The following PANK4 variants were observed in gnomAD, a reference collection of about 807,000 sequenced individuals.
The protein encoded by PANK4 is pantothenate kinase 4 (inactive).
A neutral mutation model predicts 87.9 loss-of-function variants in PANK4; 40 were observed. The ratio of observed to expected loss-of-function variants is 0.46; its 90% CI spans 0.35 to 0.59. The LOEUF (loss-of-function observed/expected upper bound fraction) is 0.59, where lower values mean the gene tolerates loss of function less well. PANK4 is among the 20% of genes least tolerant of loss of function. The probability of loss-of-function intolerance (pLI) is 0.00; values close to 1 mark genes in which losing one functional copy is unlikely to be tolerated. For missense variants in PANK4, 926 were observed against 1,072.3 expected (o/e 0.86, Z 1.90); for synonymous variants, 524 against 467.4 (o/e 1.12, Z -1.56).
At position 2,517,764 on chromosome 1, in the gene PANK4, T is replaced by C. The variant is rs113915723; in HGVS notation, c.1218+400A>G. The stretch of plus-strand genomic sequence containing the variant: ...GACCATCAGCCACAGTGCGCGGCAG[T>C]GTGCGGCAGAGCGCGCAGTCCTAGG... On this transcript the variant is annotated intron_variant, in intron 9 of 18. Transcript: ENST00000378466. Among the ~76,000 whole-genome samples the C allele has an allele frequency of 7.0e-3, 1,063 of 152,344 alleles. 14 individuals are homozygous for C. The highest frequency in any genetic ancestry group is 0.024 in the African/African-American group (1,008 of 41,584).
chr1:2,515,161 G>A lies in PANK4; in HGVS notation c.1374+401C>T, dbSNP rs2477714. 5.1e-3 allele frequency: 1,976 copies of A among 386,464 alleles called. 31 individuals are homozygous for A. Among genetic ancestry groups the A allele is most frequent in the African/African-American group, 0.032 (1,560 of 48,240 alleles). The allele number at this position is 386,464 out of a possible 1,614,324, so 23.9% of individuals were successfully genotyped here. A position where few individuals can be genotyped will look rare whatever the true frequency, so the allele number is the denominator to read the frequency against. On this transcript the variant is annotated intron_variant, in intron 10 of 18. Transcript: ENST00000378466. The surrounding 1 kb of genome is among the most constrained non-coding windows in gnomAD (Gnocchi z 5.0). ...CAGCCTTGGAGAAGGTGGGACGCAG[G>A]AGTCCCAAGGTGGCCTCGCCGGGAG...
chr1:2,511,556 T>C, intron 14 of PANK4, 72 bp downstream of exon 14: 1 of 1,178,584 alleles, frequency 8.5e-7, no homozygotes, highest in Non-Finnish European at 1.3e-6. Context: ...GCAACTGCAT[T>C]CGCTGTTGCA....
chr1:2,518,594 C>A lies in PANK4; in HGVS notation c.1039G>T (p.Glu347Ter). 6.4e-7 allele frequency: 1 copy of A among 1,565,888 alleles called. No homozygotes were observed. Among genetic ancestry groups the A allele is most frequent in the South Asian group, 1.2e-5 (1 of 85,434 alleles). The change falls in exon 8 of 19, where the codon GAA becomes TAA. Residue 347 changes from glutamate to a stop codon, truncating the protein, a stop_gained. Transcript: ENST00000378466. LOFTEE classifies it high-confidence loss of function. ...TYSINFFSKGEVQALFLRHEG... is the reference protein window; with the variant it reads ...TYSINFFSKG ...TGCCTCAGAAACAGCGCCTGCACTT[C>A]CCCCTGCCGTGGCCAAAGCACACGT... is the stretch of plus-strand genomic sequence containing the variant.
At position 2,520,399 on chromosome 1, in the gene PANK4, T is replaced by A; in HGVS notation, c.622A>T (p.Arg208Trp). 1 of 1,612,812 alleles carries A rather than the reference T, an allele frequency of 6.2e-7. No homozygotes were observed. ...GAGCTGCCGCCGACCCACTCGAACC[T>A]GTCCTCCGTCTCCACCTGCAACAGA... ...VSIVKVETED[R>W]FEWVGGSSIG... Residue 208 changes from arginine (R) to tryptophan (W), a missense_variant, in exon 5 of 19, where the codon AGG becomes TGG. By Grantham distance (101) the Arg-to-Trp change is moderately radical. Transcript: ENST00000378466. This position sits in a 1 kb window ranked among gnomAD's most constrained non-coding sequence, Gnocchi z 6.2.
intron 10 of PANK4, among the ~76,000 whole-genome samples, chr1:2,514,823 T>G (rs1465172457): frequency 1.3e-5 from 2 of 151,942 alleles, no homozygotes; most frequent in African/African-American, 4.8e-5. Flanking sequence ...CATTCGCCCC[T>G]CCCAGTTGCC....
At position 2,515,658 on chromosome 1, in the gene PANK4, C is replaced by T. The variant is rs1643757376; in HGVS notation, c.1278G>A (p.Leu426=). 6.2e-7 allele frequency: 1 copy of T among 1,613,198 alleles called. No homozygotes were observed. Among genetic ancestry groups the T allele is most frequent in the Non-Finnish European group, 8.5e-7 (1 of 1,179,950 alleles). Residue 426 remains leucine (L), a synonymous_variant, in exon 10 of 19, where the codon CTG becomes CTA. Coordinates refer to ENST00000378466, the MANE Select transcript of PANK4 (RefSeq NM_018216.4). This position sits in a 1 kb window ranked among gnomAD's most constrained non-coding sequence, Gnocchi z 5.0. The part of the protein sequence containing the change: ...ERPLVDLPLL[L]DPPSYVPDTV... ...TGTCGGGCACGTAGGAGGGCGGGTC[C>T]AGGAGGAGCGGCAGGTCAACCAGTG...
At position 2,520,451 on chromosome 1, in the gene PANK4, C is replaced by G. The variant is rs946704163; in HGVS notation, c.607-37G>C. On this transcript the variant is annotated intron_variant, in intron 4 of 18. Transcript: ENST00000378466. The surrounding 1 kb of genome is among the most constrained non-coding windows in gnomAD (Gnocchi z 6.2). ...CCAGGGCAGGTGTGCCCTCAGTGGGCCCTCAGCCACACAGGCTCCCCCGCC... is the reference window on the plus strand; with the variant it reads ...CCAGGGCAGGTGTGCCCTCAGTGGGGCCTCAGCCACACAGGCTCCCCCGCC... The G allele has an allele frequency of 2.6e-6, 4 of 1,563,612 alleles. No individual in the cohort carries two copies. In the Admixed American group the frequency reaches 6.7e-5, roughly 26 times the overall value.
intron 1 of PANK4, among the ~76,000 whole-genome samples, chr1:2,524,079 C>T (rs775577903): frequency 2.6e-5 from 4 of 152,350 alleles, no homozygotes; most frequent in Non-Finnish European, 5.9e-5. Flanking sequence ...ACCACCGCCC[C>T]GTGGCCCCTT....
rs1319868887 is a variant in PANK4 at position 2,510,842 on chromosome 1, C to G, written c.1834-60G>C. 5 of 982,560 alleles carry G rather than the reference C, an allele frequency of 5.1e-6. No homozygotes were observed. The African/African-American group carries it at 8.0e-5, about 16-fold the overall frequency. 60.9% of individuals were successfully genotyped at this position (982,560 alleles called of 1,614,324 possible). ...AGGCGCATCCAAGCGAGTCAGTCCG[C>G]ACCCCTGCTGCCCGTCACGCTGCCC... On this transcript the variant is annotated intron_variant, in intron 15 of 18. Transcript: ENST00000378466. The surrounding 1 kb of genome is among the most constrained non-coding windows in gnomAD (Gnocchi z 4.9).
At chr1:2,511,831 G>A (rs188290187) in intron 13 of PANK4, 148 bp from the exon 14 acceptor site, 5 of 648,388 alleles carry the variant, frequency 7.7e-6, no homozygotes, top group Non-Finnish European at 1.4e-5. Context: ...GGTGGGACAG[G>A]GGCAGCTGCT....
chr1:2,518,437 G>T, intron 8 of PANK4, 79 bp downstream of exon 8: 1 of 1,296,612 alleles, frequency 7.7e-7, no homozygotes, highest in African/African-American at 1.5e-5. Context: ...CTCCACCCTG[G>T]GCCGCCCTGG....
chr1:2,520,256 G>T lies in PANK4; in HGVS notation c.699+66C>A. On this transcript the variant is annotated intron_variant, in intron 5 of 18. Coordinates refer to ENST00000378466, the MANE Select transcript of PANK4 (RefSeq NM_018216.4). This position sits in a 1 kb window ranked among gnomAD's most constrained non-coding sequence, Gnocchi z 6.2. The stretch of plus-strand genomic sequence containing the variant: ...CAGCTTTTGCACCGCCCAGCTGCAG[G>T]CCTTCGGGGGAAGGAAGCAGACATC... 6.9e-7 allele frequency: 1 copy of T among 1,449,302 alleles called. No homozygotes were observed. The allele number at this position is 1,449,302 out of a possible 1,614,324, so 89.8% of individuals were successfully genotyped here.
rs1385060111 is a variant in PANK4 at position 2,508,745 on chromosome 1, G to A, written c.*102C>T. On this transcript the variant is annotated 3_prime_UTR_variant, in exon 19 of 19. Transcript: ENST00000378466. This position sits in a 1 kb window ranked among gnomAD's most constrained non-coding sequence, Gnocchi z 5.1. ...GCTGGGGTGTATGTGCCGCGTCACA[G>A]CAGTACCATATAAATACGTTGATTT... 2.7e-6 allele frequency: 2 copies of A among 735,868 alleles called. No homozygotes were observed. Among genetic ancestry groups the A allele is most frequent in the Non-Finnish European group, 4.7e-6 (2 of 423,154 alleles). 45.6% of individuals were successfully genotyped at this position (735,868 alleles called of 1,614,324 possible). A position where few individuals can be genotyped will look rare whatever the true frequency, so the allele number is the denominator to read the frequency against.
Position 2,515,773 on chromosome 1 carries a change from G to C in PANK4, c.1219-56C>G, listed in dbSNP as rs1312147246. The C allele has an allele frequency of 5.3e-6, 8 of 1,515,516 alleles. No individual in the cohort carries two copies. The Admixed American group carries it at 5.4e-5, about 10-fold the overall frequency. The allele number at this position is 1,515,516 out of a possible 1,614,324, so 93.9% of individuals were successfully genotyped here. A position where few individuals can be genotyped will look rare whatever the true frequency, so the allele number is the denominator to read the frequency against. On this transcript the variant is annotated intron_variant, in intron 9 of 18. Coordinates refer to ENST00000378466, the MANE Select transcript of PANK4 (RefSeq NM_018216.4). This position sits in a 1 kb window ranked among gnomAD's most constrained non-coding sequence, Gnocchi z 5.0. ...GTCACCATGGTTCAGAACGACCCAA[G>C]CCACACTCAGAAGCTTCCACTCTCT...
rs1643866643 is a variant in PANK4, at chr1:2,520,587, G to A, written c.606+136C>T. On this transcript the variant is annotated intron_variant, in intron 4 of 18. Coordinates refer to ENST00000378466, the MANE Select transcript of PANK4 (RefSeq NM_018216.4). This position sits in a 1 kb window ranked among gnomAD's most constrained non-coding sequence, Gnocchi z 6.2. ...CTGATGCCCCTCCCACAGAGGCTCT[G>A]AGCTCACAGCCTCGCCACCCCCCTC... 1 of 1,046,796 alleles carries A rather than the reference G, an allele frequency of 9.6e-7. No individual in the cohort carries two copies. The highest frequency in any genetic ancestry group is 1.4e-6 in the Non-Finnish European group (1 of 699,036). 64.8% of individuals were successfully genotyped at this position (1,046,796 alleles called of 1,614,324 possible). A position where few individuals can be genotyped will look rare whatever the true frequency, so the allele number is the denominator to read the frequency against.
chr1:2,512,799 G>A (rs934468802), intron 13 of PANK4, 89 bp downstream of exon 13: 6 of 1,373,980 alleles, frequency 4.4e-6, no homozygotes, highest in African/African-American at 1.4e-5. Context: ...TGACCCCCAA[G>A]GGACCCGCTC....
chr1:2,512,212 G>A (rs1467598332), intron 13 of PANK4, among the ~76,000 whole-genome samples: 1 of 152,190 alleles, frequency 6.6e-6, no homozygotes, highest in East Asian at 1.9e-4. Flanking sequence ...GACAGGCTGC[G>A]GGAGGGGCCT....
Position 2,520,340 on chromosome 1 carries a change from A to G in PANK4, c.681T>C (p.Ala227=), listed in dbSNP as rs1183380004. The change falls in exon 5 of 19, where the codon GCT becomes GCC. Residue 227 remains alanine, a synonymous_variant. Transcript: ENST00000378466. This position sits in a 1 kb window ranked among gnomAD's most constrained non-coding sequence, Gnocchi z 6.2. ...CGCATACCTTCGTTTTGGTGAGCAG[A>G]GCGCCAAGCCCCCAGAAGGTGCCGC... is the stretch of plus-strand genomic sequence containing the variant. The part of the protein sequence containing the change: ...IGGGTFWGLG[A]LLTKTKKFDE... 1 of 1,612,894 alleles carries G rather than the reference A, an allele frequency of 6.2e-7. No individual in the cohort carries two copies. Among genetic ancestry groups the G allele is most frequent in the Non-Finnish European group, 8.5e-7 (1 of 1,179,924 alleles).
At position 2,510,642 on chromosome 1, in the gene PANK4, CA is replaced by C; in HGVS notation, c.1938+35del. On this transcript the variant is annotated intron_variant, in intron 16 of 18. Transcript: ENST00000378466. This position sits in a 1 kb window ranked among gnomAD's most constrained non-coding sequence, Gnocchi z 4.9. The stretch of plus-strand genomic sequence containing the variant: ...CAACCCCACCGAGAGCAGAGAAGCC[CA>C]GGGGAAGGGCCCCACCCACCACCTC... 1.6e-6 allele frequency: 2 copies of C among 1,284,032 alleles called. No individual in the cohort carries two copies. The highest frequency in any genetic ancestry group is 2.3e-6 in the Non-Finnish European group (2 of 883,534). 79.5% of individuals were successfully genotyped at this position (1,284,032 alleles called of 1,614,324 possible).
Sources: gnomAD v4.1 joint callset for allele counts (sites outside exome capture counted in the v4.1 genomes callset) on GRCh38, gnomAD v4.1.1 for gene constraint, Gnocchi (gnomAD v3.1) non-coding constraint, MANE v1.5 for transcripts, NCBI Gene and HGNC (gene_info 2026-07-23, HGNC 2026-07-21) for gene names.